ARHGEF12: variants seen among roughly 807,000 people sequenced by gnomAD.
ARHGEF12 encodes the protein Rho guanine nucleotide exchange factor 12.
ARHGEF12 carries 66 observed loss-of-function variants against 211.2 expected under a neutral mutation model. That is an observed-to-expected ratio of 0.31 (90% confidence interval 0.26 to 0.38). ARHGEF12 has a LOEUF of 0.38. Ranked by LOEUF, ARHGEF12 falls within the 10% of genes least tolerant of loss-of-function variation. The pLI is 1.00. For missense variants in ARHGEF12, 1,429 were observed against 1,869.5 expected, an observed-to-expected ratio of 0.76 and a Z score of 4.34; for synonymous variants, 592 against 638.4, an observed-to-expected ratio of 0.93 and a Z score of 1.09.
At chr11:120,416,176 G>A (rs1048041058) in intron 4 of ARHGEF12, among the ~76,000 whole-genome samples, 3 of 152,098 alleles carry the variant, frequency 2.0e-5, no homozygotes, top group African/African-American at 7.2e-5. Context: ...TGTGCATGGT[G>A]CTGTTTTTTT....
intron 1 of ARHGEF12, among the ~76,000 whole-genome samples, chr11:120,372,357 A>G (rs1375641962): frequency 6.6e-6 from 1 of 152,058 alleles, no homozygotes; most frequent in East Asian, 1.9e-4. Context: ...TATATGTTCT[A>G]ATATAGATAT....
At chr11:120,468,132 G>A (rs916494869) in intron 29 of ARHGEF12, among the ~76,000 whole-genome samples, 6 of 152,064 alleles carry the variant, frequency 3.9e-5, no homozygotes, top group African/African-American at 1.2e-4. Context: ...CAACTCTCCC[G>A]TTTTGAAACA....
At chr11:120,456,996 G>A in intron 22 of ARHGEF12, 122 bp from the exon 23 acceptor site, 2 of 852,044 alleles carry the variant, frequency 2.3e-6, no homozygotes, top group Non-Finnish European at 3.5e-6. Context: ...TGAACCTGCA[G>A]TTGTTTAAAT....
rs943987575 is a variant in ARHGEF12 at position 120,489,863 on chromosome 11, C to T, written c.*4786C>T. On this transcript the variant is annotated 3_prime_UTR_variant, in exon 41 of 41. Coordinates refer to ENST00000397843, the MANE Select transcript of ARHGEF12 (RefSeq NM_015313.3). ...CATATCTGGTGGAACAAAGAAATAC[C>T]TGTACCATTCCCACTTGCTCTTTGA... 5.4e-6 allele frequency: 1 copy of T among 184,526 alleles called. No homozygotes were observed. The highest frequency in any genetic ancestry group is 2.4e-5 in the African/African-American group (1 of 42,538). 11.4% of individuals were successfully genotyped at this position (184,526 alleles called of 1,614,324 possible).
intron 31 of ARHGEF12, among the ~76,000 whole-genome samples, chr11:120,473,545 G>A (rs1946938350): frequency 6.6e-6 from 1 of 152,144 alleles, no homozygotes; most frequent in Non-Finnish European, 1.5e-5. Flanking sequence ...TAGGACTATA[G>A]GTATATGCCA....
intron 1 of ARHGEF12, among the ~76,000 whole-genome samples, chr11:120,351,604 G>T (rs916021254): frequency 1.1e-4 from 16 of 150,114 alleles, no homozygotes; most frequent in Non-Finnish European, 4.4e-5. Context: ...CTGATTAGCT[G>T]GGATTATAGG....
At chr11:120,387,155 A>G (rs1944059076) in intron 1 of ARHGEF12, among the ~76,000 whole-genome samples, 1 of 152,020 alleles carries the variant, frequency 6.6e-6, no homozygotes, top group South Asian at 2.1e-4. Context: ...TGGTCTATGG[A>G]AACAATTCTC....
chr11:120,353,365 C>T (rs1048765514), intron 1 of ARHGEF12, among the ~76,000 whole-genome samples: 14 of 152,156 alleles, frequency 9.2e-5, no homozygotes, highest in Non-Finnish European at 1.8e-4. Flanking sequence ...CAGCCTGAAC[C>T]GTGGGATCAA....
At chr11:120,442,283 G>T in intron 15 of ARHGEF12, 81 bp downstream of exon 15, 9 of 1,042,648 alleles carry the variant, frequency 8.6e-6, no homozygotes, top group East Asian at 2.9e-5. Context: ...TCCCTCCCAT[G>T]TTTTTGGATT....
At position 120,446,237 on chromosome 11, in the gene ARHGEF12, T is replaced by TAATAATAATAATAATAAA. The variant is rs1435691305; in HGVS notation, c.1346-165_1346-164insATAATAATAATAATAAAA. Among the ~76,000 whole-genome samples the TAATAATAATAATAATAAA allele has an allele frequency of 3.5e-4, 50 of 142,596 alleles. 1 individual carries two copies. The South Asian group carries it at 8.8e-3, about 25-fold the overall frequency. 93.5% of individuals were successfully genotyped at this position (142,596 alleles called of 152,430 possible). ...ATAATAATAATAATAATAATAATAA[T>TAATAATAATAATAATAAA]AGAGTAAATGAAATCAGAATTCTGG... On this transcript the variant is annotated intron_variant, in intron 16 of 40. Coordinates refer to ENST00000397843, the MANE Select transcript of ARHGEF12 (RefSeq NM_015313.3).
At position 120,337,053 on chromosome 11, in the gene ARHGEF12, A is replaced by G. The variant is rs2135204500; in HGVS notation, c.-191A>G. ...CTTTCTCAGTTCGTTTTGGGAGATA[A>G]CTTGTTTTGCTCCAAGCCGCATCCG... On this transcript the variant is annotated 5_prime_UTR_variant, in exon 1 of 41. Transcript: ENST00000397843. 1.6e-6 allele frequency: 1 copy of G among 644,674 alleles called. No homozygotes were observed. The highest frequency in any genetic ancestry group is 2.8e-5 in the East Asian group (1 of 36,156). 39.9% of individuals were successfully genotyped at this position (644,674 alleles called of 1,614,324 possible). A position where few individuals can be genotyped will look rare whatever the true frequency, so the allele number is the denominator to read the frequency against.
At position 120,482,049 on chromosome 11, in the gene ARHGEF12, G is replaced by A. The variant is rs181383489; in HGVS notation, c.4554+473G>A. On this transcript the variant is annotated intron_variant, in intron 39 of 40. Transcript: ENST00000397843. Reference sequence around the variant, plus strand: ...ACTGGGATTACAGGCGTGAGCCACCGCGCCCAGTCGGCATTGTTTATCTTT... The same window carrying A: ...ACTGGGATTACAGGCGTGAGCCACCACGCCCAGTCGGCATTGTTTATCTTT... Among the ~76,000 whole-genome samples the A allele has an allele frequency of 8.7e-3, 1,331 of 152,238 alleles. 10 individuals are homozygous for A. Among genetic ancestry groups the A allele is most frequent in the Non-Finnish European group, 0.015 (1,001 of 68,014 alleles).
intron 1 of ARHGEF12, chr11:120,337,729 G>A (rs1942397666): frequency 1.0e-6 from 1 of 985,406 alleles, no homozygotes; most frequent in Middle Eastern, 5.2e-4. Context: ...CCTACTGCAT[G>A]GTGATCTGGG....
chr11:120,402,162 C>T (rs916386157), intron 1 of ARHGEF12, among the ~76,000 whole-genome samples: 1 of 152,134 alleles, frequency 6.6e-6, no homozygotes, highest in Non-Finnish European at 1.5e-5. Flanking sequence ...ACATTTGTTT[C>T]TGAGGAGTCT....
intron 30 of ARHGEF12, among the ~76,000 whole-genome samples, chr11:120,469,812 A>G (rs1459000816): frequency 6.6e-6 from 1 of 152,210 alleles, no homozygotes; most frequent in African/African-American, 2.4e-5. Context: ...TCAAGATGCT[A>G]CGATATATAA....
chr11:120,378,693 TG>T (rs1270459214), intron 1 of ARHGEF12, among the ~76,000 whole-genome samples: 2 of 152,244 alleles, frequency 1.3e-5, no homozygotes, highest in African/African-American at 2.4e-5. Flanking sequence ...GTGCGTGTTT[TG>T]GCATGTTTTC....
At chr11:120,422,819 C>G (rs954326707) in intron 6 of ARHGEF12, among the ~76,000 whole-genome samples, 1 of 151,680 alleles carries the variant, frequency 6.6e-6, no homozygotes, top group African/African-American at 2.4e-5. Context: ...GTATATGACT[C>G]TAATCTAGAT....
At chr11:120,398,713 T>C (rs1407550801) in intron 1 of ARHGEF12, among the ~76,000 whole-genome samples, 3 of 152,188 alleles carry the variant, frequency 2.0e-5, no homozygotes, top group African/African-American at 7.2e-5. Context: ...GCATTTGTTA[T>C]AACTATAGCC....
chr11:120,474,990 G>A (rs554941666), intron 32 of ARHGEF12, among the ~76,000 whole-genome samples: 1 of 152,102 alleles, frequency 6.6e-6, no homozygotes, highest in African/African-American at 2.4e-5. Context: ...TGTTGCCCAG[G>A]CTGGAGCACA....
Sources: allele counts gnomAD v4.1 joint callset (sites outside exome capture counted in the v4.1 genomes callset), GRCh38; gene constraint gnomAD v4.1.1; transcripts MANE v1.5; gene names NCBI Gene and HGNC (gene_info 2026-07-23, HGNC 2026-07-21).